Variants in DKK2 observed in about 807,000 individuals in gnomAD.
DKK2 encodes dickkopf Wnt signaling pathway inhibitor 2.
A neutral mutation model predicts 28.1 loss-of-function variants in DKK2; 11 were observed. The ratio of observed to expected loss-of-function variants is 0.39; its 90% confidence interval spans 0.25 to 0.65. The LOEUF is 0.65. Ranked by LOEUF, DKK2 falls within the 30% of genes least tolerant of loss-of-function variation. The pLI is 0.47. For missense variants in DKK2, 326 were observed against 335.5 expected (o/e 0.97, Z 0.22); for synonymous variants, 135 against 126.5 (o/e 1.07, Z -0.45).
At chr4:107,020,701 G>A (rs1723679124) in intron 1 of DKK2, among the ~76,000 whole-genome samples, 1 of 152,004 alleles carries the variant, frequency 6.6e-6, no homozygotes, top group African/African-American at 2.4e-5. Flanking sequence ...AATAATGCAT[G>A]TTTTCACTTA....
Position 107,035,719 on chromosome 4 carries a change from T to A in DKK2, c.-128A>T. Reference sequence around the variant, plus strand: ...CTTGCAGATTGTGTTCCCTCAACCCTTCCTGGTTCGGGGACCCAGGACCCT... The same window carrying A: ...CTTGCAGATTGTGTTCCCTCAACCCATCCTGGTTCGGGGACCCAGGACCCT... On this transcript the variant is annotated 5_prime_UTR_variant, in exon 1 of 4. The change creates a new upstream start codon in the 5' untranslated region. Transcript: ENST00000285311. 1.1e-6 allele frequency: 1 copy of A among 929,166 alleles called. No homozygotes were observed. Among genetic ancestry groups the A allele is most frequent in the Non-Finnish European group, 1.6e-6 (1 of 616,090 alleles). 57.6% of individuals were successfully genotyped at this position (929,166 alleles called of 1,614,324 possible). A position where few individuals can be genotyped will look rare whatever the true frequency, so the allele number is the denominator to read the frequency against.
At chr4:106,930,774 C>T (rs1724491419) in intron 1 of DKK2, among the ~76,000 whole-genome samples, 2 of 152,036 alleles carry the variant, frequency 1.3e-5, no homozygotes, top group East Asian at 1.9e-4. Flanking sequence ...GGGGACGACC[C>T]AGCTGTGGGA....
chr4:107,015,731 T>C (rs971675438), intron 1 of DKK2, among the ~76,000 whole-genome samples: 66 of 151,850 alleles, frequency 4.3e-4, no homozygotes, highest in African/African-American at 1.4e-3. Flanking sequence ...GGCTCTCTAA[T>C]CTGTTTTGTT....
In DKK2 at chr4:106,923,108, T is replaced by C. The variant is rs1724372119; in HGVS notation, c.*846A>G. 1 of 152,178 alleles carries C rather than the reference T, an allele frequency of 6.6e-6. No individual in the cohort carries two copies. Among genetic ancestry groups the C allele is most frequent in the Non-Finnish European group, 1.5e-5 (1 of 68,038 alleles). The allele number at this position is 152,178 out of a possible 1,614,324, so 9.4% of individuals were successfully genotyped here. On this transcript the variant is annotated 3_prime_UTR_variant, in exon 4 of 4. Coordinates refer to ENST00000285311, the MANE Select transcript of DKK2 (RefSeq NM_014421.3). ...CCATCTGTGAAAATTCTGCTCTGTG[T>C]AAGTATTTTACTAGTCACAATTTAT...
Position 106,923,617 on chromosome 4 carries a change from C to A in DKK2, c.*337G>T, listed in dbSNP as rs1724380693. ...AAGCAATCAGCAATCTGAAGGAAACCTCTCCTCCAGCACAACCTAAACTCT... is the reference window on the plus strand; with the variant it reads ...AAGCAATCAGCAATCTGAAGGAAACATCTCCTCCAGCACAACCTAAACTCT... On this transcript the variant is annotated 3_prime_UTR_variant, in exon 4 of 4. Coordinates refer to ENST00000285311, the MANE Select transcript of DKK2 (RefSeq NM_014421.3). 4.7e-6 allele frequency: 1 copy of A among 213,506 alleles called. No individual in the cohort carries two copies. 13.2% of individuals were successfully genotyped at this position (213,506 alleles called of 1,614,324 possible). A position where few individuals can be genotyped will look rare whatever the true frequency, so the allele number is the denominator to read the frequency against.
chr4:106,970,339 A>G (rs2110353984), intron 1 of DKK2, among the ~76,000 whole-genome samples: 1 of 152,198 alleles, frequency 6.6e-6, no homozygotes, highest in African/African-American at 2.4e-5. Flanking sequence ...TCTGGAAGAG[A>G]GTAATGGTTA....
chr4:107,034,459 G>C (rs1723930039), intron 1 of DKK2, among the ~76,000 whole-genome samples: 1 of 152,162 alleles, frequency 6.6e-6, no homozygotes, highest in Non-Finnish European at 1.5e-5. Context: ...GCCACAACTG[G>C]TACCGAGTGT....
At chr4:106,924,804 T>A in intron 2 of DKK2, 104 bp from the exon 3 acceptor site, 6 of 1,122,162 alleles carry the variant, frequency 5.3e-6, no homozygotes, top group Non-Finnish European at 7.6e-6. Context: ...TATCTATCTG[T>A]GTATCTATCT....
intron 1 of DKK2, among the ~76,000 whole-genome samples, chr4:107,008,894 G>T (rs1723476963): frequency 6.6e-6 from 1 of 151,874 alleles, no homozygotes; most frequent in African/African-American, 2.4e-5. Flanking sequence ...TCAAGGTCAG[G>T]CAGAAATATG....
chr4:106,935,498 C>T (rs954637283), intron 1 of DKK2, among the ~76,000 whole-genome samples: 1 of 152,224 alleles, frequency 6.6e-6, no homozygotes, highest in South Asian at 2.1e-4. Context: ...GCTAGCACAG[C>T]AGTCTGAGAT....
intron 1 of DKK2, among the ~76,000 whole-genome samples, chr4:107,026,053 C>G (rs1337618147): frequency 6.6e-6 from 1 of 152,224 alleles, no homozygotes; most frequent in Non-Finnish European, 1.5e-5. Context: ...TGAAACACCT[C>G]TTAAGCAGAT....
Position 106,932,994 on chromosome 4 carries a change from G to T in DKK2, c.223-7045C>A, listed in dbSNP as rs570891266. ...ATCTTAGTTTCTTCTATGATAAAATGGATAAAATTTCTGAATTCAGCAGTG... is the reference window on the plus strand; with the variant it reads ...ATCTTAGTTTCTTCTATGATAAAATTGATAAAATTTCTGAATTCAGCAGTG... On this transcript the variant is annotated intron_variant, in intron 1 of 3. Transcript: ENST00000285311. 3.3e-5 allele frequency among the ~76,000 whole-genome samples: 5 copies of T among 152,180 alleles called. No homozygotes were observed. In the South Asian group the frequency reaches 1.0e-3, roughly 32 times the overall value.
At chr4:106,928,885 C>A (rs888813469) in intron 1 of DKK2, among the ~76,000 whole-genome samples, 2 of 152,012 alleles carry the variant, frequency 1.3e-5, no homozygotes, top group Non-Finnish European at 2.9e-5. Flanking sequence ...ATTAGCCCCT[C>A]TAAAGTTTCT....
At chr4:106,928,494 G>T (rs1724455030) in intron 1 of DKK2, among the ~76,000 whole-genome samples, 1 of 152,104 alleles carries the variant, frequency 6.6e-6, no homozygotes, top group Non-Finnish European at 1.5e-5. Context: ...AAAAAGTAAA[G>T]TTGTATTACA....
At chr4:107,013,798 G>A (rs112113467) in intron 1 of DKK2, among the ~76,000 whole-genome samples, 4,175 of 151,510 alleles carry the variant, frequency 0.028, 193 homozygotes, top group African/African-American at 0.094. Flanking sequence ...GCATCTGACA[G>A]GGGGTTGATA....
chr4:107,028,258 C>T (rs998023508), intron 1 of DKK2, among the ~76,000 whole-genome samples: 1 of 152,160 alleles, frequency 6.6e-6, no homozygotes, highest in African/African-American at 2.4e-5. Context: ...AATTCTTACT[C>T]TCAGAGTAAT....
At chr4:107,021,263 C>T (rs1723687304) in intron 1 of DKK2, among the ~76,000 whole-genome samples, 1 of 151,920 alleles carries the variant, frequency 6.6e-6, no homozygotes, top group Non-Finnish European at 1.5e-5. Flanking sequence ...CCACTCAGAG[C>T]CAAATATTCT....
At chr4:107,022,267 C>A (rs560896537) in intron 1 of DKK2, among the ~76,000 whole-genome samples, 1 of 152,196 alleles carries the variant, frequency 6.6e-6, no homozygotes, top group African/African-American at 2.4e-5. Flanking sequence ...GCTACATATA[C>A]CTTGTCCTAA....
intron 1 of DKK2, among the ~76,000 whole-genome samples, chr4:106,939,004 C>G (rs960816007): frequency 6.6e-6 from 1 of 151,994 alleles, no homozygotes; most frequent in Non-Finnish European, 1.5e-5. Flanking sequence ...CAGCCAATAT[C>G]ATACTGAATG....
Sources: gnomAD v4.1 joint callset for allele counts (sites outside exome capture counted in the v4.1 genomes callset) on GRCh38, gnomAD v4.1.1 for gene constraint, MANE v1.5 for transcripts, NCBI Gene and HGNC (gene_info 2026-07-23, HGNC 2026-07-21) for gene names.